The following SDK1 variants were observed in gnomAD, a reference collection of about 807,000 sequenced individuals.
The protein encoded by SDK1 is sidekick cell adhesion molecule 1, also known as protein sidekick-1.
A neutral mutation model predicts 245.5 loss-of-function variants in SDK1; 157 were observed. The ratio of observed to expected loss-of-function variants is 0.64; its 90% CI spans 0.56 to 0.73. The LOEUF is 0.73. Ranked by LOEUF, SDK1 falls within the 30% of genes least tolerant of loss-of-function variation. The pLI is 0.00. For missense variants in SDK1, 3,583 were observed against 3,002.3 expected (o/e 1.19, Z -4.52); for synonymous variants, 1,647 against 1,278.5 (o/e 1.29, Z -6.15).
intron 7 of SDK1, among the ~76,000 whole-genome samples, chr7:3,952,892 G>T (rs542617665): frequency 6.6e-6 from 1 of 152,282 alleles, no homozygotes; most frequent in African/African-American, 2.4e-5. Flanking sequence ...AGGTTAAGTT[G>T]TGAGGCAAGT....
At chr7:4,169,591 C>T (rs1341712977) in intron 32 of SDK1, among the ~76,000 whole-genome samples, 2 of 152,238 alleles carry the variant, frequency 1.3e-5, no homozygotes, top group Non-Finnish European at 2.9e-5. Context: ...CACTCAGTCT[C>T]TGGCACCCGG....
chr7:3,706,912 A>T (rs1374978063), intron 4 of SDK1, among the ~76,000 whole-genome samples: 2 of 152,096 alleles, frequency 1.3e-5, no homozygotes, highest in African/African-American at 4.8e-5. Context: ...TAATGTCTCT[A>T]GTTTTATTAC....
chr7:4,093,458 CA>C (rs71032922), intron 22 of SDK1, among the ~76,000 whole-genome samples: 3,103 of 77,566 alleles, frequency 0.04, 27 homozygotes, highest in African/African-American at 0.08. Context: ...AAATGGAAAG[CA>C]AAAAAAAAAA....
chr7:3,450,526 A>G (rs1266189010), intron 1 of SDK1, among the ~76,000 whole-genome samples: 1 of 152,216 alleles, frequency 6.6e-6, no homozygotes, highest in Non-Finnish European at 1.5e-5. Context: ...GATGATACGT[A>G]GATTTCTAGT....
intron 1 of SDK1, among the ~76,000 whole-genome samples, chr7:3,585,323 G>C (rs894048596): frequency 3.9e-5 from 6 of 152,306 alleles, no homozygotes; most frequent in African/African-American, 1.4e-4. Context: ...AGAGGAAACA[G>C]GTAGTTGATG....
intron 1 of SDK1, among the ~76,000 whole-genome samples, chr7:3,355,194 A>AG (rs1780758517): frequency 6.6e-6 from 1 of 152,238 alleles, no homozygotes; most frequent in Non-Finnish European, 1.5e-5. Context: ...AATTGTGAAT[A>AG]TTCTCTGAAA....
intron 18 of SDK1, among the ~76,000 whole-genome samples, chr7:4,051,176 TTATAC>T: frequency 1.4e-5 from 2 of 140,512 alleles, no homozygotes; most frequent in African/African-American, 2.6e-5. Flanking sequence ...TATGTATATA[TTATAC>T]ATTATATATG....
At chr7:3,628,841 CTA>C (rs1782196896) in intron 2 of SDK1, among the ~76,000 whole-genome samples, 3 of 152,190 alleles carry the variant, frequency 2.0e-5, no homozygotes, top group African/African-American at 7.2e-5. Flanking sequence ...AAGGTGAGCC[CTA>C]TGTTTGCCCT....
intron 43 of SDK1, among the ~76,000 whole-genome samples, chr7:4,244,389 G>C (rs1786710618): frequency 6.6e-6 from 1 of 152,130 alleles, no homozygotes; most frequent in Non-Finnish European, 1.5e-5. Flanking sequence ...TCACTATCGA[G>C]TCCCTGCACA....
intron 4 of SDK1, among the ~76,000 whole-genome samples, chr7:3,736,836 A>G (rs887793236): frequency 6.6e-5 from 10 of 152,212 alleles, no homozygotes; most frequent in Non-Finnish European, 1.5e-4. Flanking sequence ...CTTCAAATGT[A>G]CAATACAGTA....
chr7:3,653,344 G>A (rs546539636), intron 4 of SDK1, among the ~76,000 whole-genome samples: 76 of 152,254 alleles, frequency 5.0e-4, no homozygotes, highest in Non-Finnish European at 9.6e-4. Context: ...AAACTCGGTT[G>A]TCACTTGGGG....
At chr7:4,176,519 A>G (rs1185380965) in intron 34 of SDK1, among the ~76,000 whole-genome samples, 3 of 152,162 alleles carry the variant, frequency 2.0e-5, no homozygotes, top group Non-Finnish European at 4.4e-5. Context: ...GGACCTTCTT[A>G]ACCATTTTTA....
At chr7:4,131,390 A>T (rs780064900) in intron 27 of SDK1, among the ~76,000 whole-genome samples, 2 of 152,216 alleles carry the variant, frequency 1.3e-5, no homozygotes, top group African/African-American at 2.4e-5. Flanking sequence ...TCTGTGACTT[A>T]GTCCTAGTTG....
intron 44 of SDK1, among the ~76,000 whole-genome samples, chr7:4,248,997 A>G (rs530810944): frequency 1.3e-5 from 2 of 149,172 alleles, no homozygotes; most frequent in African/African-American, 5.2e-5. Context: ...TGCACAACAC[A>G]TACATACCTA....
chr7:3,531,161 C>T (rs1214901965), intron 1 of SDK1, among the ~76,000 whole-genome samples: 2 of 152,184 alleles, frequency 1.3e-5, no homozygotes, highest in East Asian at 3.8e-4. Context: ...GAATACCACC[C>T]TCAAACTACA....
intron 28 of SDK1, among the ~76,000 whole-genome samples, chr7:4,134,582 T>G (rs1044874031): frequency 1.3e-5 from 2 of 152,192 alleles, no homozygotes; most frequent in Admixed American, 1.3e-4. Flanking sequence ...CAAGAAACAT[T>G]GACAGAGTCA....
chr7:3,413,304 C>A (rs1779264384), intron 1 of SDK1, among the ~76,000 whole-genome samples: 2 of 152,036 alleles, frequency 1.3e-5, no homozygotes, highest in Non-Finnish European at 2.9e-5. Context: ...TAGCCTGAAG[C>A]TAAAGAGGGG....
chr7:4,209,353 G>T (rs1784396216), intron 37 of SDK1, among the ~76,000 whole-genome samples: 1 of 152,156 alleles, frequency 6.6e-6, no homozygotes, highest in Admixed American at 6.5e-5. Context: ...GAGGAGAGTA[G>T]GTCCCCCACC....
At chr7:3,992,771 A>G (rs1055479616) in intron 14 of SDK1, among the ~76,000 whole-genome samples, 7 of 152,174 alleles carry the variant, frequency 4.6e-5, no homozygotes, top group Non-Finnish European at 8.8e-5. Context: ...CTGATTCGAT[A>G]GGGACCCGCG....
Sources: allele counts gnomAD v4.1 joint callset (sites outside exome capture counted in the v4.1 genomes callset), GRCh38; gene constraint gnomAD v4.1.1; transcripts MANE v1.5; gene names NCBI Gene and HGNC (gene_info 2026-07-23, HGNC 2026-07-21).